ZIK1: variants seen among roughly 807,000 people sequenced by gnomAD.
The protein encoded by ZIK1 is zinc finger protein interacting with K protein 1, also known as zinc finger protein interacting with ribonucleoprotein K.
ZIK1 carries 12 observed loss-of-function variants against 10.7 expected under a neutral mutation model. That is an observed-to-expected ratio of 1.12 (90% CI 0.72 to 1.81). The LOEUF (loss-of-function observed/expected upper bound fraction) is 1.81. ZIK1 is among the 40% of genes most tolerant of loss of function. The pLI is 0.00. For synonymous variants in ZIK1, 190 were observed against 205.0 expected, an observed-to-expected ratio of 0.93 and a Z score of 0.63; for missense variants, 497 against 585.7, an observed-to-expected ratio of 0.85 and a Z score of 1.56.
chr19:57,588,710 C>G, intron 3 of ZIK1, 45 bp downstream of exon 3: 3 of 1,395,982 alleles, frequency 2.1e-6, no homozygotes, highest in Non-Finnish European at 2.8e-6. Context: ...TGTCTATGGT[C>G]TTTTGCTGAC....
chr19:57,590,680 C>A lies in ZIK1; in HGVS notation c.869C>A (p.Thr290Asn). The A allele has an allele frequency of 6.2e-7, 1 of 1,614,154 alleles. No homozygotes were observed. Among genetic ancestry groups the A allele is most frequent in the Non-Finnish European group, 8.5e-7 (1 of 1,180,026 alleles). ...CTGAATGATCATCGGAGAATCCACA[C>A]CGGAGAAAGGCCTTATGAGTGCAGC... ...SHLNDHRRIH[T>N]GERPYECSEC... The change falls in exon 4 of 4, where the codon ACC becomes AAC. Residue 290 changes from threonine to asparagine, a missense_variant. By Grantham distance (65) the Thr-to-Asn change is moderately conservative. Coordinates refer to ENST00000597850, the MANE Select transcript of ZIK1 (RefSeq NM_001010879.4).
At position 57,590,638 on chromosome 19, in the gene ZIK1, T is replaced by G; in HGVS notation, c.827T>G (p.Phe276Cys). 6.2e-7 allele frequency: 1 copy of G among 1,614,192 alleles called. No individual in the cohort carries two copies. Among genetic ancestry groups the G allele is most frequent in the Admixed American group, 1.7e-5 (1 of 60,020 alleles). Residue 276 changes from phenylalanine (F) to cysteine (C), a missense_variant, in exon 4 of 4, where the codon TTT (phenylalanine) becomes TGT (cysteine). Phe to Cys is a radical substitution (Grantham distance 205). Transcript: ENST00000597850. ...PWECNECGKF[F>C]SQTSHLNDHR... ...GAGTGCAATGAATGTGGAAAATTCTTTAGCCAAACCTCCCACCTGAATGAT... is the reference window on the plus strand; with the variant it reads ...GAGTGCAATGAATGTGGAAAATTCTGTAGCCAAACCTCCCACCTGAATGAT...
rs1395357572 is a variant in ZIK1 at position 57,588,640 on chromosome 19, G to T, written c.174G>T (p.Glu58Asp). 4.4e-6 allele frequency: 7 copies of T among 1,580,358 alleles called. No individual in the cohort carries two copies. The highest frequency in any genetic ancestry group is 6.0e-6 in the Non-Finnish European group (7 of 1,159,944). ...QRLLYLEVMLENFALVASLGC... is the reference protein window; with the variant it reads ...QRLLYLEVMLDNFALVASLGC... Reference sequence around the variant, plus strand: ...TCCTGTACCTTGAAGTGATGCTGGAGAACTTTGCCCTTGTAGCCTCACTGG... The same window carrying T: ...TCCTGTACCTTGAAGTGATGCTGGATAACTTTGCCCTTGTAGCCTCACTGG... Residue 58 changes from glutamate (E) to aspartate (D), a missense_variant, in exon 3 of 4, where the codon GAG becomes GAT. Physicochemically the swap from Glu to Asp is conservative, Grantham distance 45 (BLOSUM62 2). Transcript: ENST00000597850.
Position 57,590,155 on chromosome 19 carries a change from T to C in ZIK1, c.344T>C (p.Leu115Pro). Residue 115 changes from leucine (L) to proline (P), a missense_variant, in exon 4 of 4, where the codon CTA becomes CCA. Coordinates refer to ENST00000597850, the MANE Select transcript of ZIK1 (RefSeq NM_001010879.4). The stretch of plus-strand genomic sequence containing the variant: ...CCAGTCCTGAAAGATATTTTGCATC[T>C]AGCTGATCTCCCTGGGCAGAAACCA... Reference protein sequence around the residue: ...CVPVLKDILHLADLPGQKPYL... With the variant: ...CVPVLKDILHPADLPGQKPYL... 6.2e-7 allele frequency: 1 copy of C among 1,614,210 alleles called. No homozygotes were observed. The highest frequency in any genetic ancestry group is 8.5e-7 in the Non-Finnish European group (1 of 1,180,044).
In ZIK1 at chr19:57,591,324, A is replaced by G. The variant is rs762924399; in HGVS notation, c.*49A>G. ...TGGAAGCGCCTTCAACTCAAGATCT[A>G]TCATCATTTAGCTCCTGAAAGTCCA... is the stretch of plus-strand genomic sequence containing the variant. On this transcript the variant is annotated 3_prime_UTR_variant, in exon 4 of 4. Transcript: ENST00000597850. 6.5e-7 allele frequency: 1 copy of G among 1,534,148 alleles called. No homozygotes were observed. Among genetic ancestry groups the G allele is most frequent in the Non-Finnish European group, 8.8e-7 (1 of 1,136,216 alleles).
Position 57,592,913 on chromosome 19 carries a change from A to G in ZIK1, c.*1638A>G, listed in dbSNP as rs1218216545. The G allele has an allele frequency of 6.6e-6, 1 of 151,780 alleles. No homozygotes were observed. Among genetic ancestry groups the G allele is most frequent in the Non-Finnish European group, 1.5e-5 (1 of 67,926 alleles). 9.4% of individuals were successfully genotyped at this position (151,780 alleles called of 1,614,324 possible). A position where few individuals can be genotyped will look rare whatever the true frequency, so the allele number is the denominator to read the frequency against. ...ATGATTCACCTCTTGCTGTTTTACA[A>G]TCTCTGCGTGTACTTTCCAGGCCTT... On this transcript the variant is annotated 3_prime_UTR_variant, in exon 4 of 4. Coordinates refer to ENST00000597850, the MANE Select transcript of ZIK1 (RefSeq NM_001010879.4).
At chr19:57,585,350 C>A (rs1262880878) in intron 2 of ZIK1, among the ~76,000 whole-genome samples, 1 of 152,094 alleles carries the variant, frequency 6.6e-6, no homozygotes, top group Non-Finnish European at 1.5e-5. Context: ...GTGATGAGAA[C>A]AATGGGAGGT....
rs1307975854 is a variant in ZIK1 at position 57,590,525 on chromosome 19, T to G, written c.714T>G (p.Leu238=). 6.2e-7 allele frequency: 1 copy of G among 1,614,128 alleles called. No homozygotes were observed. The highest frequency in any genetic ancestry group is 8.5e-7 in the Non-Finnish European group (1 of 1,180,004). Residue 238 remains leucine (L), a synonymous_variant, in exon 4 of 4, where the codon CTT becomes CTG. Transcript: ENST00000597850. ...CAAGAGTCTACACTGGAAAAAAGCT[T>G]TATGAGTGTAGCAAATGTGGGAAAG... ...YHPRVYTGKK[L]YECSKCGKAF... is the part of the protein sequence containing the mutation.
In ZIK1 at chr19:57,588,597, T is replaced by C. The variant is rs758204548; in HGVS notation, c.131T>C (p.Leu44Pro). 1.0e-5 allele frequency: 16 copies of C among 1,586,156 alleles called. No homozygotes were observed. The East Asian group carries it at 1.8e-4, about 18-fold the overall frequency. Residue 44 changes from leucine to proline, a missense_variant, in exon 3 of 4, where the codon CTT (leucine) becomes CCT (proline). Leu to Pro is a moderately conservative substitution (Grantham distance 98, BLOSUM62 -3). Transcript: ENST00000597850. ...IYFSQDEWGL[L>P]DEAQRLLYLE... ...TTCTCACAGGACGAGTGGGGACTTC[T>C]TGATGAGGCTCAGAGACTCCTGTAC...
chr19:57,587,510 A>G (rs904860231), intron 2 of ZIK1, among the ~76,000 whole-genome samples: 4 of 152,172 alleles, frequency 2.6e-5, no homozygotes, highest in East Asian at 3.9e-4. Flanking sequence ...GAGAGCTACT[A>G]TCTAGTGCTC....
chr19:57,590,452 G>A lies in ZIK1; in HGVS notation c.641G>A (p.Gly214Asp). The A allele has an allele frequency of 6.2e-7, 1 of 1,614,138 alleles. No individual in the cohort carries two copies. The highest frequency in any genetic ancestry group is 8.5e-7 in the Non-Finnish European group (1 of 1,180,002). Residue 214 changes from glycine to aspartate, a missense_variant, in exon 4 of 4, where the codon GGT (glycine) becomes GAT (aspartate). Transcript: ENST00000597850. ...AGTCAAAAAAGTCATTACAAGTCAG[G>A]TGAATGTGGGAAGGCTTCCAGGCAC... ...IRSQKSHYKSGECGKASRHKH... is the reference protein window; with the variant it reads ...IRSQKSHYKSDECGKASRHKH...
chr19:57,585,259 T>A (rs1979041564), intron 2 of ZIK1, among the ~76,000 whole-genome samples: 1 of 152,212 alleles, frequency 6.6e-6, no homozygotes, highest in African/African-American at 2.4e-5. Flanking sequence ...CAACTCTCCT[T>A]TCTTTCTCAT....
chr19:57,584,291 C>T lies in ZIK1; in HGVS notation c.-66C>T. On this transcript the variant is annotated 5_prime_UTR_variant, in exon 1 of 4. It adds an upstream start codon to the 5' untranslated region. Coordinates refer to ENST00000597850, the MANE Select transcript of ZIK1 (RefSeq NM_001010879.4). ...TAAGGGTCGGCGGCGGCGGGGTTGACGGCTTTGCCTAGGTCCCTCCGCCCG... is the reference window on the plus strand; with the variant it reads ...TAAGGGTCGGCGGCGGCGGGGTTGATGGCTTTGCCTAGGTCCCTCCGCCCG... The T allele has an allele frequency of 4.6e-6, 7 of 1,532,724 alleles. No individual in the cohort carries two copies. The highest frequency in any genetic ancestry group is 5.3e-6 in the Non-Finnish European group (6 of 1,137,158). The allele number at this position is 1,532,724 out of a possible 1,614,324, so 94.9% of individuals were successfully genotyped here.
chr19:57,592,065 G>C lies in ZIK1; in HGVS notation c.*790G>C, dbSNP rs530592610. The stretch of plus-strand genomic sequence containing the variant: ...TCCCTATTCTTTCTGTGAGACTAGA[G>C]GTCATCCTGAGGAGAGGCCAGCTGT... On this transcript the variant is annotated 3_prime_UTR_variant, in exon 4 of 4. Coordinates refer to ENST00000597850, the MANE Select transcript of ZIK1 (RefSeq NM_001010879.4). 6.6e-6 allele frequency: 1 copy of C among 152,278 alleles called. No individual in the cohort carries two copies. Among genetic ancestry groups the C allele is most frequent in the Admixed American group, 6.5e-5 (1 of 15,296 alleles). The allele number at this position is 152,278 out of a possible 1,614,324, so 9.4% of individuals were successfully genotyped here.
chr19:57,590,928 C>G lies in ZIK1; in HGVS notation c.1117C>G (p.His373Asp), dbSNP rs1979636839. ...CATTCTTAATCAACACCGAAGAATT[C>G]ACACTGGAGCAAAGCCTTATGAGTG... ...SAILNQHRRI[H>D]TGAKPYECGQ... The change falls in exon 4 of 4, where the codon CAC becomes GAC. Residue 373 changes from histidine to aspartate, a missense_variant. By Grantham distance (81) the His-to-Asp change is moderately conservative. Transcript: ENST00000597850. The G allele has an allele frequency of 6.2e-7, 1 of 1,613,694 alleles. No individual in the cohort carries two copies. The highest frequency in any genetic ancestry group is 1.3e-5 in the African/African-American group (1 of 74,884).
At chr19:57,584,829 G>A in intron 1 of ZIK1, 123 bp from the exon 2 acceptor site, 3 of 1,230,472 alleles carry the variant, frequency 2.4e-6, no homozygotes, top group Non-Finnish European at 3.4e-6. Flanking sequence ...GAACGCTGAG[G>A]CTCAGAAATA....
chr19:57,585,095 CA>C (rs1386564766), intron 2 of ZIK1, 105 bp downstream of exon 2: 3 of 1,055,438 alleles, frequency 2.8e-6, no homozygotes, highest in Non-Finnish European at 4.1e-6. Flanking sequence ...GGACTCTTCA[CA>C]AACTGGAAGC....
rs758687880 is a variant in ZIK1 at position 57,590,706 on chromosome 19, G to C, written c.895G>C (p.Glu299Gln). The change falls in exon 4 of 4, where the codon GAA (glutamate) becomes CAA (glutamine). Residue 299 changes from glutamate (E) to glutamine (Q), a missense_variant. Transcript: ENST00000597850. ...HTGERPYECS[E>Q]CGKLFRQNSS... ...CGGAGAAAGGCCTTATGAGTGCAGC[G>C]AATGTGGAAAATTATTTAGACAAAA... 2.5e-6 allele frequency: 4 copies of C among 1,613,726 alleles called. No homozygotes were observed. In the African/African-American group the frequency reaches 5.3e-5, roughly 22 times the overall value.
chr19:57,590,615 G>A lies in ZIK1; in HGVS notation c.804G>A (p.Glu268=). The A allele has an allele frequency of 6.2e-7, 1 of 1,614,250 alleles. No individual in the cohort carries two copies. Among genetic ancestry groups the A allele is most frequent in the Non-Finnish European group, 8.5e-7 (1 of 1,180,048 alleles). ...TCCATACTGGAGAAAGGCCTTGGGAGTGCAATGAATGTGGAAAATTCTTTA... is the reference window on the plus strand; with the variant it reads ...TCCATACTGGAGAAAGGCCTTGGGAATGCAATGAATGTGGAAAATTCTTTA... ...QRVHTGERPW[E]CNECGKFFSQ... Residue 268 remains glutamate (E), a synonymous_variant, in exon 4 of 4, where the codon GAG becomes GAA. Transcript: ENST00000597850.
Sources: allele counts gnomAD v4.1 joint callset (sites outside exome capture counted in the v4.1 genomes callset), GRCh38; gene constraint gnomAD v4.1.1; transcripts MANE v1.5; gene names NCBI Gene and HGNC (gene_info 2026-07-23, HGNC 2026-07-21).